PTPRD: variants seen among roughly 807,000 people sequenced by gnomAD.
PTPRD encodes receptor-type tyrosine-protein phosphatase delta.
PTPRD carries 34 observed loss-of-function variants against 214.5 expected under a neutral mutation model. That is an observed-to-expected ratio of 0.16 (90% CI 0.12 to 0.21). The LOEUF (loss-of-function observed/expected upper bound fraction) is 0.21, where lower values mean the gene tolerates loss of function less well. Among genes scored for constraint, PTPRD ranks in the 10% least tolerant of loss-of-function variants. The pLI, the probability that PTPRD is intolerant of heterozygous loss-of-function variation, is 1.00. For synonymous variants in PTPRD, 1,128 were observed against 845.7 expected (o/e 1.33, Z -5.79); for missense variants, 2,545 against 2,398.7 (o/e 1.06, Z -1.27).
intron 3 of PTPRD, among the ~76,000 whole-genome samples, chr9:10,213,149 T>C (rs1260250367): frequency 1.3e-5 from 2 of 152,162 alleles, no homozygotes; most frequent in African/African-American, 2.4e-5. Flanking sequence ...ACTTTTATTT[T>C]TAACAAAACA....
At chr9:8,925,352 C>G (rs1055814802) in intron 11 of PTPRD, among the ~76,000 whole-genome samples, 1 of 151,902 alleles carries the variant, frequency 6.6e-6, no homozygotes, top group African/African-American at 2.4e-5. Context: ...GGTACATTCT[C>G]CACTATATAG....
chr9:9,595,709 C>T (rs887089008), intron 7 of PTPRD, among the ~76,000 whole-genome samples: 10 of 151,668 alleles, frequency 6.6e-5, no homozygotes, highest in African/African-American at 7.3e-5. Context: ...AACCAAACAT[C>T]GCATGTTCTC....
intron 34 of PTPRD, among the ~76,000 whole-genome samples, chr9:8,438,298 T>C (rs1433916867): frequency 1.3e-5 from 2 of 152,220 alleles, no homozygotes; most frequent in Admixed American, 1.3e-4. Context: ...ACAACCACTT[T>C]AGCAAGTGTT....
Position 8,338,874 on chromosome 9 carries a change from G to C in PTPRD, c.5379+48C>G, listed in dbSNP as rs375237373. ...GAGAGAGAGAGAGAGAGGTATCTTA[G>C]ACTACTTTTCAGCTAATGGTTAAGA... On this transcript the variant is annotated intron_variant, in intron 43 of 45. Transcript: ENST00000381196. 2.1e-5 allele frequency: 21 copies of C among 978,116 alleles called. No individual in the cohort carries two copies. The African/African-American group carries it at 2.7e-4, about 13-fold the overall frequency. The allele number at this position is 978,116 out of a possible 1,614,324, so 60.6% of individuals were successfully genotyped here. A position where few individuals can be genotyped will look rare whatever the true frequency, so the allele number is the denominator to read the frequency against.
intron 12 of PTPRD, among the ~76,000 whole-genome samples, chr9:8,662,131 ATAACT>A (rs2097070791): frequency 6.6e-6 from 1 of 152,194 alleles, no homozygotes; most frequent in Non-Finnish European, 1.5e-5. Flanking sequence ...CAGAAGAACA[ATAACT>A]TATGAGGATT....
chr9:10,144,979 C>G (rs554295784), intron 3 of PTPRD, among the ~76,000 whole-genome samples: 7 of 151,688 alleles, frequency 4.6e-5, no homozygotes, highest in African/African-American at 1.7e-4. Flanking sequence ...TCTGGAAAAA[C>G]TGAAAAAATA....
chr9:8,909,218 C>T (rs1307020595), intron 11 of PTPRD, among the ~76,000 whole-genome samples: 5 of 151,968 alleles, frequency 3.3e-5, no homozygotes, highest in African/African-American at 1.2e-4. Flanking sequence ...ACATAAACTC[C>T]TTCAGAAAAT....
At chr9:8,621,383 AT>A (rs1014247027) in intron 14 of PTPRD, among the ~76,000 whole-genome samples, 11 of 151,976 alleles carry the variant, frequency 7.2e-5, no homozygotes, top group African/African-American at 1.9e-4. Flanking sequence ...AGTAATTTTA[AT>A]TTTTAAAAAA....
At chr9:9,014,202 T>TGG in intron 11 of PTPRD, among the ~76,000 whole-genome samples, 1 of 141,832 alleles carries the variant, frequency 7.1e-6, no homozygotes, top group South Asian at 2.2e-4. Flanking sequence ...TTTGTTTGTT[T>TGG]TTTTTTTTTT....
intron 8 of PTPRD, among the ~76,000 whole-genome samples, chr9:9,436,273 A>G (rs553899659): frequency 2.0e-4 from 30 of 152,148 alleles, no homozygotes; most frequent in South Asian, 4.2e-4. Flanking sequence ...TCATCCTTCA[A>G]TGGATTTTCA....
intron 35 of PTPRD, among the ~76,000 whole-genome samples, chr9:8,405,373 TA>T (rs2092866224): frequency 6.6e-6 from 1 of 152,144 alleles, no homozygotes; most frequent in South Asian, 2.1e-4. Flanking sequence ...GTTTGCTTTT[TA>T]TTCTTGATTT....
At chr9:10,326,890 C>A (rs1403864188) in intron 3 of PTPRD, among the ~76,000 whole-genome samples, 1 of 151,272 alleles carries the variant, frequency 6.6e-6, no homozygotes, top group African/African-American at 2.4e-5. Flanking sequence ...AGGCAATGTG[C>A]ATTCTTTGAA....
intron 11 of PTPRD, among the ~76,000 whole-genome samples, chr9:8,963,777 C>T (rs2099171079): frequency 7.1e-6 from 1 of 139,930 alleles, no homozygotes; most frequent in Non-Finnish European, 1.6e-5. Flanking sequence ...CATCACTATA[C>T]TTGGCTAATT....
intron 4 of PTPRD, among the ~76,000 whole-genome samples, chr9:10,012,864 A>T (rs1177274373): frequency 6.6e-6 from 1 of 151,940 alleles, no homozygotes; most frequent in Non-Finnish European, 1.5e-5. Context: ...GCACAAAATA[A>T]CAGAAGACAT....
At chr9:8,953,070 GT>G (rs577498219) in intron 11 of PTPRD, among the ~76,000 whole-genome samples, 157 of 148,252 alleles carry the variant, frequency 1.1e-3, no homozygotes, top group East Asian at 2.6e-3. Context: ...TTTTAGAATA[GT>G]TTTTTTTTTT....
At chr9:8,775,577 A>T (rs2095438553) in intron 11 of PTPRD, among the ~76,000 whole-genome samples, 1 of 151,944 alleles carries the variant, frequency 6.6e-6, no homozygotes, top group Non-Finnish European at 1.5e-5. Flanking sequence ...CTCAAATATT[A>T]TTTTTATAAT....
At position 10,261,022 on chromosome 9, in the gene PTPRD, ATATATAT is replaced by A. The variant is rs367821049; in HGVS notation, c.-545+79934_-545+79940del. On this transcript the variant is annotated intron_variant, in intron 3 of 45. Coordinates refer to ENST00000381196, the MANE Select transcript of PTPRD (RefSeq NM_002839.4). ...TGTGTATATATGTATATATGTGTGT[ATATATAT>A]TATATATGTGTATATATATTATATA... 1.4e-3 allele frequency among the ~76,000 whole-genome samples: 160 copies of A among 115,508 alleles called. 1 individual carries two copies. Among genetic ancestry groups the A allele is most frequent in the African/African-American group, 4.5e-3 (153 of 34,294 alleles). 75.8% of individuals were successfully genotyped at this position (115,508 alleles called of 152,430 possible). A position where few individuals can be genotyped will look rare whatever the true frequency, so the allele number is the denominator to read the frequency against.
intron 11 of PTPRD, among the ~76,000 whole-genome samples, chr9:8,949,850 G>T (rs1272863379): frequency 6.6e-6 from 1 of 152,116 alleles, no homozygotes; most frequent in African/African-American, 2.4e-5. Context: ...GTTGCCTACA[G>T]TTATGAATGA....
At chr9:9,399,967 A>C (rs955460831) in intron 8 of PTPRD, among the ~76,000 whole-genome samples, 100 of 152,164 alleles carry the variant, frequency 6.6e-4, no homozygotes, top group African/African-American at 2.3e-3. Context: ...ATCAGAAATC[A>C]TGGAAGTACC....
Sources: gnomAD v4.1 joint callset for allele counts (sites outside exome capture counted in the v4.1 genomes callset) on GRCh38, gnomAD v4.1.1 for gene constraint, MANE v1.5 for transcripts, NCBI Gene and HGNC (gene_info 2026-07-23, HGNC 2026-07-21) for gene names.